Variants in CNTN3 observed in about 807,000 individuals in gnomAD.
The protein encoded by CNTN3 is contactin-3.
Under a neutral mutation model 119.1 loss-of-function variants are expected in CNTN3, and 60 were observed. The observed-to-expected ratio is 0.50, with a 90% CI of 0.41 to 0.62. The LOEUF (loss-of-function observed/expected upper bound fraction) is 0.62. CNTN3 is among the 20% of genes least tolerant of loss of function. The pLI is 0.00. For synonymous variants in CNTN3, 450 were observed against 438.7 expected (o/e 1.03, Z -0.32); for missense variants, 1,101 against 1,242.4 (o/e 0.89, Z 1.71).
chr3:74,599,406 T>A (rs986713026), intron 1 of CNTN3, among the ~76,000 whole-genome samples: 3 of 152,094 alleles, frequency 2.0e-5, no homozygotes, highest in Non-Finnish European at 4.4e-5. Context: ...AGGTCAGCAC[T>A]CTCCAACCTT....
chr3:74,554,725 G>C (rs1201133897), intron 1 of CNTN3, among the ~76,000 whole-genome samples: 1 of 152,116 alleles, frequency 6.6e-6, no homozygotes, highest in East Asian at 1.9e-4. Flanking sequence ...CCTGTTATTG[G>C]TGTATAGGAA....
Position 74,302,628 on chromosome 3 carries a change from C to A in CNTN3, c.1786+62G>T, listed in dbSNP as rs2106819776. ...ACATACTATCTCATCATGGTTTTTC[C>A]TCCAGTAAGGAATGCTGTTAAGATG... On this transcript the variant is annotated intron_variant, in intron 14 of 22. Transcript: ENST00000263665. 5.1e-6 allele frequency: 5 copies of A among 975,986 alleles called. No homozygotes were observed. In the South Asian group the frequency reaches 7.0e-5, roughly 14 times the overall value. The allele number at this position is 975,986 out of a possible 1,614,324, so 60.5% of individuals were successfully genotyped here. A position where few individuals can be genotyped will look rare whatever the true frequency, so the allele number is the denominator to read the frequency against.
At chr3:74,600,459 T>A (rs1431483001) in intron 1 of CNTN3, among the ~76,000 whole-genome samples, 1 of 152,106 alleles carries the variant, frequency 6.6e-6, no homozygotes, top group East Asian at 1.9e-4. Flanking sequence ...TGGGTTTCAT[T>A]TCTGGTTTGG....
At chr3:74,593,453 A>T (rs907859665) in intron 1 of CNTN3, among the ~76,000 whole-genome samples, 1 of 152,016 alleles carries the variant, frequency 6.6e-6, no homozygotes. Flanking sequence ...AAAATATAAA[A>T]ATGTAACATA....
At chr3:74,410,135 CCAT>C (rs1303948902) in intron 5 of CNTN3, among the ~76,000 whole-genome samples, 1 of 152,126 alleles carries the variant, frequency 6.6e-6, no homozygotes, top group African/African-American at 2.4e-5. Flanking sequence ...CTTTATGTAT[CCAT>C]ATCTTGTTCT....
At chr3:74,565,604 G>T (rs1704214535) in intron 1 of CNTN3, among the ~76,000 whole-genome samples, 1 of 152,096 alleles carries the variant, frequency 6.6e-6, no homozygotes, top group Non-Finnish European at 1.5e-5. Context: ...CCCCAGAATG[G>T]AACCCAGAAA....
At chr3:74,548,162 A>T (rs376136507) in intron 1 of CNTN3, among the ~76,000 whole-genome samples, 34 of 152,272 alleles carry the variant, frequency 2.2e-4, no homozygotes, top group African/African-American at 8.2e-4. Context: ...TTTATAACAA[A>T]TCAGATGGAT....
At chr3:74,457,615 GA>G (rs35003866) in intron 4 of CNTN3, among the ~76,000 whole-genome samples, 77,657 of 151,756 alleles carry the variant, frequency 0.51, 20,219 homozygotes, top group Non-Finnish European at 0.55. Flanking sequence ...ATAAACCAGT[GA>G]AAAAGGGTTT....
At chr3:74,422,189 G>A (rs957059560) in intron 5 of CNTN3, among the ~76,000 whole-genome samples, 13 of 152,308 alleles carry the variant, frequency 8.5e-5, no homozygotes, top group Admixed American at 1.3e-4. Flanking sequence ...GACAGTGGAC[G>A]TGAATTGTGA....
intron 1 of CNTN3, among the ~76,000 whole-genome samples, chr3:74,577,427 T>TG (rs1181955472): frequency 1.3e-5 from 2 of 151,878 alleles, no homozygotes; most frequent in East Asian, 1.9e-4. Context: ...TTCTCAAGAG[T>TG]GGGGGGGAAA....
At chr3:74,456,244 A>G (rs554118473) in intron 4 of CNTN3, among the ~76,000 whole-genome samples, 1 of 97,686 alleles carries the variant, frequency 1.0e-5, no homozygotes, top group South Asian at 2.4e-4. Flanking sequence ...TATCTACTGA[A>G]AAAAAAAGAA....
At chr3:74,484,926 A>T (rs757234904) in intron 4 of CNTN3, among the ~76,000 whole-genome samples, 37 of 152,234 alleles carry the variant, frequency 2.4e-4, no homozygotes, top group Non-Finnish European at 3.8e-4. Flanking sequence ...TTTTTAATGT[A>T]ACATAGTAAA....
At chr3:74,268,287 A>G (rs981339504) in intron 20 of CNTN3, among the ~76,000 whole-genome samples, 3 of 152,188 alleles carry the variant, frequency 2.0e-5, no homozygotes, top group Non-Finnish European at 4.4e-5. Context: ...TTTCTTGTCA[A>G]TAACAACAAC....
chr3:74,478,879 T>C (rs1047040643), intron 4 of CNTN3, among the ~76,000 whole-genome samples: 1 of 152,128 alleles, frequency 6.6e-6, no homozygotes. Context: ...ATTTATATCT[T>C]GATGTGGATA....
rs576372656 is a variant in CNTN3 at position 74,582,331 on chromosome 3, G to A, written c.-81+32060C>T. On this transcript the variant is annotated intron_variant, in intron 1 of 22. Transcript: ENST00000263665. ...TGAGGCAGGAGAACGGCATGAACCC[G>A]GGAGGCAGAGGCTGCAGTGAGCCAA... is the stretch of plus-strand genomic sequence containing the variant. 1.6e-4 allele frequency among the ~76,000 whole-genome samples: 25 copies of A among 151,994 alleles called. No homozygotes were observed. In the East Asian group the frequency reaches 3.3e-3, roughly 20 times the overall value.
At chr3:74,441,100 A>G (rs1210459631) in intron 4 of CNTN3, among the ~76,000 whole-genome samples, 1 of 152,176 alleles carries the variant, frequency 6.6e-6, no homozygotes, top group East Asian at 1.9e-4. Context: ...AATGTAATTT[A>G]TAACTTATGG....
intron 4 of CNTN3, among the ~76,000 whole-genome samples, chr3:74,433,565 G>A (rs1701819010): frequency 6.6e-6 from 1 of 152,132 alleles, no homozygotes; most frequent in South Asian, 2.1e-4. Context: ...GCAGGCACAG[G>A]GTGGACCCTA....
chr3:74,564,763 A>C (rs1704202451), intron 1 of CNTN3, among the ~76,000 whole-genome samples: 1 of 151,866 alleles, frequency 6.6e-6, no homozygotes, highest in South Asian at 2.1e-4. Flanking sequence ...TTAGCCTCAG[A>C]TATTTTCTCC....
intron 1 of CNTN3, among the ~76,000 whole-genome samples, chr3:74,540,735 TTC>T (rs1703831779): frequency 6.6e-6 from 1 of 152,158 alleles, no homozygotes; most frequent in Non-Finnish European, 1.5e-5. Context: ...TTTCTTCTGC[TTC>T]TCTTTTTCCA....
Sources: gnomAD v4.1 joint callset for allele counts (sites outside exome capture counted in the v4.1 genomes callset) on GRCh38, gnomAD v4.1.1 for gene constraint, MANE v1.5 for transcripts, NCBI Gene and HGNC (gene_info 2026-07-23, HGNC 2026-07-21) for gene names.